The following SLC38A1 variants were observed in gnomAD, a reference collection of about 807,000 sequenced individuals.
The protein encoded by SLC38A1 is sodium-coupled neutral amino acid symporter 1.
In SLC38A1, 18 loss-of-function variants were observed where a neutral mutation model predicts 60.3. The observed-to-expected ratio is 0.30, with a 90% CI of 0.21 to 0.44. SLC38A1 has a LOEUF of 0.44. Among genes scored for constraint, SLC38A1 ranks in the 20% least tolerant of loss-of-function variants. The pLI, the probability that SLC38A1 is intolerant of heterozygous loss-of-function variation, is 1.00. For synonymous variants in SLC38A1, 196 were observed against 212.1 expected, an observed-to-expected ratio of 0.92 and a Z score of 0.66; for missense variants, 448 against 587.2, an observed-to-expected ratio of 0.76 and a Z score of 2.45.
chr12:46,199,793 G>A (rs1477104963), intron 13 of SLC38A1, among the ~76,000 whole-genome samples: 1 of 152,044 alleles, frequency 6.6e-6, no homozygotes, highest in East Asian at 1.9e-4. Flanking sequence ...TTCCCCTCCT[G>A]TCTCCTGCAA....
chr12:46,205,977 A>G (rs1177068261), intron 9 of SLC38A1, 103 bp downstream of exon 9: 3 of 632,428 alleles, frequency 4.7e-6, no homozygotes, highest in South Asian at 2.1e-5. Flanking sequence ...TTAATCTTTG[A>G]GTGCATGCAG....
chr12:46,269,036 G>T lies in SLC38A1; in HGVS notation c.-719C>A. The T allele has an allele frequency of 3.2e-6, 1 of 309,422 alleles. No individual in the cohort carries two copies. Among genetic ancestry groups the T allele is most frequent in the South Asian group, 2.3e-5 (1 of 43,954 alleles). 19.2% of individuals were successfully genotyped at this position (309,422 alleles called of 1,614,324 possible). A position where few individuals can be genotyped will look rare whatever the true frequency, so the allele number is the denominator to read the frequency against. On this transcript the variant is annotated 5_prime_UTR_variant, in exon 1 of 17. Transcript: ENST00000398637. ...GCGCCCGCTCTTTAACCAAAGCTGC[G>T]TGTCAGTGAGCCGTGCCGGTCACAT...
intron 1 of SLC38A1, among the ~76,000 whole-genome samples, chr12:46,249,291 A>T (rs2138613897): frequency 6.6e-6 from 1 of 152,326 alleles, no homozygotes; most frequent in Non-Finnish European, 1.5e-5. Flanking sequence ...AGCCAATGAG[A>T]ACAAAGACAC....
intron 2 of SLC38A1, among the ~76,000 whole-genome samples, chr12:46,241,388 C>T (rs914106205): frequency 6.6e-6 from 1 of 152,166 alleles, no homozygotes; most frequent in Admixed American, 6.5e-5. Context: ...CACAGCCAGG[C>T]CACACATTAT....
chr12:46,209,475 A>C (rs1940052484), intron 5 of SLC38A1, among the ~76,000 whole-genome samples: 1 of 152,084 alleles, frequency 6.6e-6, no homozygotes, highest in South Asian at 2.1e-4. Context: ...AGAAAGTGTG[A>C]GAATGGGGTG....
intron 3 of SLC38A1, 92 bp downstream of exon 3, chr12:46,239,587 C>T (rs1941373829): frequency 1.4e-6 from 2 of 1,422,818 alleles, no homozygotes; most frequent in African/African-American, 1.4e-5. Context: ...AAATGATCCA[C>T]CCACCTCGGC....
At chr12:46,267,338 T>C (rs1942384309) in intron 1 of SLC38A1, 1 of 152,256 alleles carries the variant, frequency 6.6e-6, no homozygotes, top group Admixed American at 6.5e-5. Flanking sequence ...AACGAGGGTT[T>C]GTACAAACCC....
chr12:46,222,559 C>T (rs1272454931), intron 5 of SLC38A1, among the ~76,000 whole-genome samples: 9 of 152,132 alleles, frequency 5.9e-5, no homozygotes, highest in Admixed American at 4.6e-4. Flanking sequence ...GATTTTTCCT[C>T]ACCTGCCCAT....
At chr12:46,220,669 T>G (rs756960635) in intron 5 of SLC38A1, among the ~76,000 whole-genome samples, 31 of 152,226 alleles carry the variant, frequency 2.0e-4, no homozygotes, top group Non-Finnish European at 3.4e-4. Flanking sequence ...GCAAAATTAT[T>G]ATCTTGGTAG....
chr12:46,267,426 G>A (rs1942388950), intron 1 of SLC38A1: 1 of 152,444 alleles, frequency 6.6e-6, no homozygotes, highest in Non-Finnish European at 1.5e-5. Context: ...GCCTGTGAAA[G>A]GCACTGGGAG....
intron 1 of SLC38A1, among the ~76,000 whole-genome samples, chr12:46,249,163 A>AG (rs2138606758): frequency 6.7e-6 from 1 of 148,632 alleles, no homozygotes; most frequent in African/African-American, 2.5e-5. Flanking sequence ...CTCAAAAAAA[A>AG]AAAAAAAAAA....
At chr12:46,237,095 A>G (rs1024672640) in intron 3 of SLC38A1, among the ~76,000 whole-genome samples, 1 of 152,250 alleles carries the variant, frequency 6.6e-6, no homozygotes, top group Non-Finnish European at 1.5e-5. Flanking sequence ...ATTGTATCCA[A>G]TTGCAAAGTT....
intron 3 of SLC38A1, among the ~76,000 whole-genome samples, chr12:46,233,965 G>A (rs1215050953): frequency 6.6e-6 from 1 of 152,196 alleles, no homozygotes; most frequent in Admixed American, 6.5e-5. Flanking sequence ...GCTGAGGGCT[G>A]AGATACAATC....
intron 2 of SLC38A1, among the ~76,000 whole-genome samples, chr12:46,240,973 A>G (rs1941425456): frequency 6.6e-6 from 1 of 152,212 alleles, no homozygotes; most frequent in Admixed American, 6.5e-5. Flanking sequence ...ATTAAAAAGC[A>G]GATGGCTTGT....
At chr12:46,209,767 C>A (rs1940068180) in intron 5 of SLC38A1, among the ~76,000 whole-genome samples, 1 of 152,058 alleles carries the variant, frequency 6.6e-6, no homozygotes, top group South Asian at 2.1e-4. Flanking sequence ...AATGAAAAGA[C>A]TTTTTTGAAT....
rs928411739 is a variant in SLC38A1 at position 46,268,743 on chromosome 12, G to T, written c.-426C>A. The stretch of plus-strand genomic sequence containing the variant: ...CGGAGGCTCCTGGCGACCTTCTGGC[G>T]GAGTGGCGTGGCCGCCCCAGTCCGC... On this transcript the variant is annotated 5_prime_UTR_variant, in exon 1 of 17. Coordinates refer to ENST00000398637, the MANE Select transcript of SLC38A1 (RefSeq NM_030674.4). The surrounding 1 kb of genome is among the most constrained non-coding windows in gnomAD (Gnocchi z 4.4). The T allele has an allele frequency of 6.4e-6, 2 of 312,144 alleles. No individual in the cohort carries two copies. Among genetic ancestry groups the T allele is most frequent in the East Asian group, 1.0e-4 (1 of 9,912 alleles). The allele number at this position is 312,144 out of a possible 1,614,324, so 19.3% of individuals were successfully genotyped here.
chr12:46,225,253 T>C (rs1378394725), intron 5 of SLC38A1, among the ~76,000 whole-genome samples: 1 of 152,108 alleles, frequency 6.6e-6, no homozygotes, highest in African/African-American at 2.4e-5. Context: ...AGGGGTGAGC[T>C]AAAATAGTGA....
rs1443986367 is a variant in SLC38A1 at position 46,186,149 on chromosome 12, A to C, written c.*2821T>G. On this transcript the variant is annotated 3_prime_UTR_variant, in exon 17 of 17. Coordinates refer to ENST00000398637, the MANE Select transcript of SLC38A1 (RefSeq NM_030674.4). ...TCCAGGTTGCAAACAACCAACTGACAACCTTTTGGAATATGATCTCCTTAT... is the reference window on the plus strand; with the variant it reads ...TCCAGGTTGCAAACAACCAACTGACCACCTTTTGGAATATGATCTCCTTAT... 1 of 152,188 alleles carries C rather than the reference A, an allele frequency of 6.6e-6. No homozygotes were observed. The highest frequency in any genetic ancestry group is 2.4e-5 in the African/African-American group (1 of 41,446). 9.4% of individuals were successfully genotyped at this position (152,188 alleles called of 1,614,324 possible). A position where few individuals can be genotyped will look rare whatever the true frequency, so the allele number is the denominator to read the frequency against.
intron 1 of SLC38A1, among the ~76,000 whole-genome samples, chr12:46,245,239 T>C (rs1320943748): frequency 1.3e-5 from 2 of 152,216 alleles, no homozygotes; most frequent in African/African-American, 4.8e-5. Flanking sequence ...ACTAATATAA[T>C]CAGACCTCTG....
Sources: gnomAD v4.1 joint callset for allele counts (sites outside exome capture counted in the v4.1 genomes callset) on GRCh38, gnomAD v4.1.1 for gene constraint, Gnocchi (gnomAD v3.1) non-coding constraint, MANE v1.5 for transcripts, NCBI Gene and HGNC (gene_info 2026-07-23, HGNC 2026-07-21) for gene names.